PSME4: variants seen among roughly 807,000 people sequenced by gnomAD.
PSME4 encodes the protein proteasome activator complex subunit 4.
In PSME4, 89 loss-of-function variants were observed where a neutral mutation model predicts 253.9. The ratio of observed to expected loss-of-function variants is 0.35; its 90% confidence interval spans 0.30 to 0.42. PSME4 has a LOEUF of 0.42. Among genes scored for constraint, PSME4 ranks in the 10% least tolerant of loss-of-function variants. The probability of loss-of-function intolerance (pLI) is 1.00; values close to 1 mark genes in which losing one functional copy is unlikely to be tolerated. For missense variants in PSME4, 2,014 were observed against 2,195.2 expected (o/e 0.92, Z 1.65); for synonymous variants, 851 against 759.2 (o/e 1.12, Z -1.99).
At chr2:53,918,628 C>T (rs1668163597) in intron 20 of PSME4, among the ~76,000 whole-genome samples, 2 of 152,130 alleles carry the variant, frequency 1.3e-5, no homozygotes, top group South Asian at 4.1e-4. Context: ...TGATTTTATT[C>T]TAACTTAATT....
At position 53,940,015 on chromosome 2, in the gene PSME4, C is replaced by G. The variant is rs748564865; in HGVS notation, c.501-15G>C. 4 of 1,547,316 alleles carry G rather than the reference C, an allele frequency of 2.6e-6. No homozygotes were observed. The highest frequency in any genetic ancestry group is 3.5e-6 in the Non-Finnish European group (4 of 1,132,582). ...TTTCTACAGAACTGGGGGGGGAAAG[C>G]CATTTGATAATTAGATTGGTGTATT... is the stretch of plus-strand genomic sequence containing the variant. On this transcript the variant is annotated splice_polypyrimidine_tract_variant and intron_variant, in intron 3 of 46. Coordinates refer to ENST00000404125, the MANE Select transcript of PSME4 (RefSeq NM_014614.3).
At chr2:53,896,321 A>G (rs985790947) in intron 32 of PSME4, among the ~76,000 whole-genome samples, 6 of 152,206 alleles carry the variant, frequency 3.9e-5, no homozygotes, top group African/African-American at 1.4e-4. Flanking sequence ...TTTCTTCTGG[A>G]CTATAATCCA....
At chr2:53,869,871 T>G (rs1678786250) in intron 43 of PSME4, 2 of 164,676 alleles carry the variant, frequency 1.2e-5, no homozygotes, top group Non-Finnish European at 2.6e-5. Flanking sequence ...TAAGATCAAG[T>G]TTTTCCAGAC....
chr2:53,875,110 G>A (rs1679061452), intron 42 of PSME4, among the ~76,000 whole-genome samples: 1 of 152,136 alleles, frequency 6.6e-6, no homozygotes, highest in African/African-American at 2.4e-5. Flanking sequence ...CTACTACAAA[G>A]AAATACAATT....
intron 3 of PSME4, among the ~76,000 whole-genome samples, chr2:53,946,892 C>T (rs1001069753): frequency 2.0e-5 from 3 of 150,688 alleles, no homozygotes; most frequent in Non-Finnish European, 4.4e-5. Flanking sequence ...CCAGCCTAGG[C>T]AACAGAGCAA....
intron 1 of PSME4, among the ~76,000 whole-genome samples, chr2:53,963,764 C>T (rs1007086449): frequency 1.4e-4 from 22 of 151,956 alleles, no homozygotes; most frequent in African/African-American, 5.3e-4. Context: ...AGAAGCAGAA[C>T]CTTATGAGAT....
At chr2:53,919,402 T>A (rs1668200784) in intron 19 of PSME4, among the ~76,000 whole-genome samples, 156 bp from the exon 20 acceptor site, 1 of 152,186 alleles carries the variant, frequency 6.6e-6, no homozygotes, top group Non-Finnish European at 1.5e-5. Context: ...TGAAGAACAA[T>A]TAAATATATA....
chr2:53,893,507 G>C (rs954201839), intron 35 of PSME4, among the ~76,000 whole-genome samples, 167 bp downstream of exon 35: 1 of 152,074 alleles, frequency 6.6e-6, no homozygotes, highest in African/African-American at 2.4e-5. Flanking sequence ...GTAATGTCTT[G>C]TTTAGGGAAT....
Position 53,900,017 on chromosome 2 carries a change from T to A in PSME4, c.3286A>T (p.Ile1096Phe). The A allele has an allele frequency of 6.2e-7, 1 of 1,609,584 alleles. No homozygotes were observed. Among genetic ancestry groups the A allele is most frequent in the Non-Finnish European group, 8.5e-7 (1 of 1,178,748 alleles). ...GCTATTTCAACACATGACTTTGGAA[T>A]CTTGTTAAAAAGAAAAAAGCAGGAA... ...QYETIGLDFT[I>F]PKSCVEIAEL... Residue 1096 changes from isoleucine (I) to phenylalanine (F), a missense_variant and splice_region_variant, in exon 29 of 47, where the codon ATT becomes TTT. Physicochemically the swap from Ile to Phe is conservative, Grantham distance 21. Around this residue, in one of 4 missense-constraint regions of PSME4, gnomAD observed 989 missense variants for 1,021.1 expected, o/e 0.97. Transcript: ENST00000404125.
chr2:53,927,623 A>T (rs1558691783), intron 11 of PSME4, 140 bp from the exon 12 acceptor site: 1 of 690,654 alleles, frequency 1.4e-6, no homozygotes, highest in Non-Finnish European at 2.5e-6. Context: ...TTCCTCATTT[A>T]GAATTGAACA....
At chr2:53,866,679 T>G in intron 45 of PSME4, 68 bp downstream of exon 45, 1 of 1,511,368 alleles carries the variant, frequency 6.6e-7, no homozygotes, top group Non-Finnish European at 9.0e-7. Context: ...GTATAGGAAA[T>G]TATTATTATG....
intron 20 of PSME4, among the ~76,000 whole-genome samples, chr2:53,917,001 G>A (rs1053646515): frequency 2.0e-4 from 31 of 151,366 alleles, no homozygotes; most frequent in Admixed American, 4.6e-4. Context: ...CTAAAAATAC[G>A]TATTATTCAA....
At chr2:53,923,913 CAAAAAAAAAAAAAAAAAAAAAA>C (rs199929436) in intron 14 of PSME4, among the ~76,000 whole-genome samples, 1 of 96,878 alleles carries the variant, frequency 1.0e-5, no homozygotes, top group Non-Finnish European at 2.0e-5. Flanking sequence ...ACAGAGTTAA[CAAAAAAAAAAAAAAAAAAAAAA>C]AAAAAAAAAA....
chr2:53,944,911 T>G (rs1669632225), intron 3 of PSME4, among the ~76,000 whole-genome samples: 1 of 152,010 alleles, frequency 6.6e-6, no homozygotes, highest in Non-Finnish European at 1.5e-5. Flanking sequence ...GGCAGATTAA[T>G]ATGAAAAAAA....
At position 53,925,804 on chromosome 2, in the gene PSME4, C is replaced by A. The variant is rs932953864; in HGVS notation, c.1659-115G>T. ...TATTCAAGTGATAGCTACTTAATTTCTACGTGGTTCACAAATCGATTATCC... is the reference window on the plus strand; with the variant it reads ...TATTCAAGTGATAGCTACTTAATTTATACGTGGTTCACAAATCGATTATCC... On this transcript the variant is annotated intron_variant, in intron 13 of 46. Transcript: ENST00000404125. The A allele has an allele frequency of 7.1e-6, 9 of 1,267,224 alleles. No individual in the cohort carries two copies. The African/African-American group carries it at 1.2e-4, about 17-fold the overall frequency. The allele number at this position is 1,267,224 out of a possible 1,614,324, so 78.5% of individuals were successfully genotyped here. A position where few individuals can be genotyped will look rare whatever the true frequency, so the allele number is the denominator to read the frequency against.
At chr2:53,900,133 T>A (rs375982562) in intron 28 of PSME4, 116 bp from the exon 29 acceptor site, 2 of 947,524 alleles carry the variant, frequency 2.1e-6, no homozygotes, top group African/African-American at 3.3e-5. Flanking sequence ...CCACATATTT[T>A]ACGATTCCAT....
rs141506296 is a variant in PSME4, at chr2:53,961,189, G to C, written c.242+9354C>G. On this transcript the variant is annotated intron_variant, in intron 1 of 46. Transcript: ENST00000404125. ...AAGGTTCCAAATGGGAATATTTATA[G>C]TATGTGCTGCTTTTAACATTCCAAT... Among the ~76,000 whole-genome samples, 9 of 152,342 alleles carry C rather than the reference G, an allele frequency of 5.9e-5. No homozygotes were observed. The East Asian group carries it at 1.5e-3, about 26-fold the overall frequency.
chr2:53,906,991 T>C, intron 24 of PSME4, 123 bp from the exon 25 acceptor site: 1 of 755,178 alleles, frequency 1.3e-6, no homozygotes, highest in South Asian at 1.8e-5. Context: ...GTGGTGGTGG[T>C]ATTTCCTTTA....
intron 1 of PSME4, among the ~76,000 whole-genome samples, chr2:53,959,895 G>A (rs1573379205): frequency 6.6e-6 from 1 of 152,170 alleles, no homozygotes; most frequent in Admixed American, 6.5e-5. Flanking sequence ...AAGACAGTCA[G>A]ATATGACATT....
Sources: allele counts gnomAD v4.1 joint callset (sites outside exome capture counted in the v4.1 genomes callset), GRCh38; gene constraint gnomAD v4.1.1; regional missense constraint gnomAD v4.1.1; transcripts MANE v1.5; gene names NCBI Gene and HGNC (gene_info 2026-07-23, HGNC 2026-07-21).